BORCS5: variants seen among roughly 807,000 people sequenced by gnomAD.
BORCS5 encodes the protein BLOC-1 related complex subunit 5, also known as BLOC-1-related complex subunit 5.
BORCS5 carries 17 observed loss-of-function variants against 22.1 expected under a neutral mutation model. That is an observed-to-expected ratio of 0.77 (90% confidence interval 0.53 to 1.15). The LOEUF (loss-of-function observed/expected upper bound fraction) is 1.15. Ranked by LOEUF, BORCS5 falls within the 50% of genes most tolerant of loss-of-function variation. The probability of loss-of-function intolerance (pLI) is 0.00; values close to 1 mark genes in which losing one functional copy is unlikely to be tolerated. For synonymous variants in BORCS5, 117 were observed against 99.8 expected (o/e 1.17, Z -1.03); for missense variants, 247 against 253.2 (o/e 0.98, Z 0.17).
chr12:12,424,454 G>A (rs1942227364), intron 2 of BORCS5, among the ~76,000 whole-genome samples: 1 of 151,984 alleles, frequency 6.6e-6, no homozygotes, highest in South Asian at 2.1e-4. Flanking sequence ...CTTTCTCCAT[G>A]TCTCCTTTAG....
intron 2 of BORCS5, among the ~76,000 whole-genome samples, chr12:12,371,872 C>CT (rs1178384884): frequency 6.6e-6 from 1 of 151,990 alleles, no homozygotes; most frequent in African/African-American, 2.4e-5. Flanking sequence ...GTTCAGTGGT[C>CT]TTTTTTTCTG....
At chr12:12,411,431 T>G (rs1941729136) in intron 2 of BORCS5, among the ~76,000 whole-genome samples, 1 of 152,170 alleles carries the variant, frequency 6.6e-6, no homozygotes, top group African/African-American at 2.4e-5. Flanking sequence ...ATTTATGAAT[T>G]GGGTTGTTTG....
chr12:12,404,378 T>C (rs985387804), intron 2 of BORCS5, among the ~76,000 whole-genome samples: 2 of 152,206 alleles, frequency 1.3e-5, no homozygotes, highest in Admixed American at 1.3e-4. Context: ...TTAAGGTTTG[T>C]TGAGTGCTGC....
intron 2 of BORCS5, among the ~76,000 whole-genome samples, chr12:12,407,537 T>TC (rs973276342): frequency 6.6e-6 from 1 of 152,138 alleles, no homozygotes; most frequent in African/African-American, 2.4e-5. Context: ...TACAATTCAG[T>TC]GGCATTAAGT....
intron 3 of BORCS5, among the ~76,000 whole-genome samples, chr12:12,463,846 G>C (rs374893212): frequency 6.6e-6 from 1 of 152,166 alleles, no homozygotes; most frequent in East Asian, 1.9e-4. Flanking sequence ...CTTTAGACTT[G>C]ATAAGTTAGA....
intron 1 of BORCS5, among the ~76,000 whole-genome samples, chr12:12,357,781 A>G (rs954155436): frequency 5.3e-5 from 8 of 152,226 alleles, no homozygotes; most frequent in African/African-American, 1.9e-4. Context: ...TGTTTAAAAG[A>G]CGAGCTAATT....
At position 12,357,447 on chromosome 12, in the gene BORCS5, G is replaced by A. The variant is rs1277330100; in HGVS notation, c.-5G>A. 1 of 1,607,082 alleles carries A rather than the reference G, an allele frequency of 6.2e-7. No homozygotes were observed. Among genetic ancestry groups the A allele is most frequent in the Non-Finnish European group, 8.5e-7 (1 of 1,174,590 alleles). ...CGTTCTTCTGCTGCCACCGCTGTCG[G>A]CACCATGGGCAGTGAGCAGAGCTCC... is the stretch of plus-strand genomic sequence containing the variant. On this transcript the variant is annotated 5_prime_UTR_variant, in exon 1 of 4. Transcript: ENST00000314565.
Position 12,403,472 on chromosome 12 carries a change from C to T in BORCS5, c.203-32156C>T, listed in dbSNP as rs73283460. On this transcript the variant is annotated intron_variant, in intron 2 of 3. Transcript: ENST00000314565. Reference sequence around the variant, plus strand: ...GTGATTGCCCCATATCTCCCTAGTCCGCTGTGGGGGGCACCTTCCTGCTTC... The same window carrying T: ...GTGATTGCCCCATATCTCCCTAGTCTGCTGTGGGGGGCACCTTCCTGCTTC... Among the ~76,000 whole-genome samples, 484 of 152,266 alleles carry T rather than the reference C, an allele frequency of 3.2e-3. 1 individual carries two copies. Among genetic ancestry groups the T allele is most frequent in the African/African-American group, 0.011 (450 of 41,538 alleles).
chr12:12,429,705 C>A (rs1181570155), intron 2 of BORCS5, among the ~76,000 whole-genome samples: 1 of 152,180 alleles, frequency 6.6e-6, no homozygotes, highest in Non-Finnish European at 1.5e-5. Context: ...CACCCTCCAC[C>A]TTTTTCTCAA....
At chr12:12,379,184 G>A (rs536755182) in intron 2 of BORCS5, among the ~76,000 whole-genome samples, 4 of 149,196 alleles carry the variant, frequency 2.7e-5, no homozygotes, top group East Asian at 1.9e-4. Context: ...GCAATGGAGC[G>A]ATCTTGACTC....
intron 3 of BORCS5, among the ~76,000 whole-genome samples, chr12:12,457,003 C>G (rs1461349114): frequency 1.3e-5 from 2 of 152,096 alleles, no homozygotes; most frequent in Admixed American, 6.5e-5. Flanking sequence ...AAATGTCATT[C>G]GGTTTTTTAT....
chr12:12,422,320 G>C (rs1391156209), intron 2 of BORCS5, among the ~76,000 whole-genome samples: 7 of 151,682 alleles, frequency 4.6e-5, no homozygotes, highest in Non-Finnish European at 7.4e-5. Context: ...AGTTTATTAA[G>C]AAAGTGAAGG....
Position 12,374,323 on chromosome 12 carries a change from A to G in BORCS5, c.202+12974A>G, listed in dbSNP as rs980112981. Among the ~76,000 whole-genome samples the G allele has an allele frequency of 8.6e-5, 13 of 151,568 alleles. 1 individual carries two copies. Among genetic ancestry groups the G allele is most frequent in the African/African-American group, 2.7e-4 (11 of 41,112 alleles). ...TTCTTAGTTTAAAAGTCTTCTATAT[A>G]TATTTTAAAACATATTTAAAAGATG... is the stretch of plus-strand genomic sequence containing the variant. On this transcript the variant is annotated intron_variant, in intron 2 of 3. Transcript: ENST00000314565.
Position 12,466,154 on chromosome 12 carries a change from GCT to G in BORCS5, c.*381_*382del, listed in dbSNP as rs1225800480. 5.6e-6 allele frequency: 1 copy of G among 179,402 alleles called. No homozygotes were observed. Among genetic ancestry groups the G allele is most frequent in the Non-Finnish European group, 1.2e-5 (1 of 85,994 alleles). 11.1% of individuals were successfully genotyped at this position (179,402 alleles called of 1,614,324 possible). On this transcript the variant is annotated 3_prime_UTR_variant, in exon 4 of 4. Transcript: ENST00000314565. ...AGACAAGGGGAAAATATTTTACGAAGCTCTGTGTTCTCAACGCCCTCATGAAC... is the reference window on the plus strand; with the variant it reads ...AGACAAGGGGAAAATATTTTACGAAGCTGTGTTCTCAACGCCCTCATGAAC...
At chr12:12,423,846 G>A (rs1040844928) in intron 2 of BORCS5, among the ~76,000 whole-genome samples, 1 of 151,974 alleles carries the variant, frequency 6.6e-6, no homozygotes, top group Non-Finnish European at 1.5e-5. Flanking sequence ...CTGCCACCAC[G>A]CCTGGCTAAT....
rs536776902 is a variant in BORCS5, at chr12:12,418,460, A to C, written c.203-17168A>C. Among the ~76,000 whole-genome samples the C allele has an allele frequency of 1.1e-3, 167 of 152,266 alleles. 1 individual carries two copies. The highest frequency in any genetic ancestry group is 3.5e-3 in the African/African-American group (144 of 41,548). On this transcript the variant is annotated intron_variant, in intron 2 of 3. Coordinates refer to ENST00000314565, the MANE Select transcript of BORCS5 (RefSeq NM_058169.6). ...CAGCACTTTGAGAGGCTGAGACAGG[A>C]GGATCACTTGAGGCAGAAGTTTGAG...
chr12:12,425,098 C>G (rs1259359628), intron 2 of BORCS5, among the ~76,000 whole-genome samples: 1 of 152,160 alleles, frequency 6.6e-6, no homozygotes, highest in Non-Finnish European at 1.5e-5. Flanking sequence ...AGGACAGGGT[C>G]CTTTTCTCCC....
chr12:12,396,242 C>T (rs1195432413), intron 2 of BORCS5, among the ~76,000 whole-genome samples: 2 of 152,252 alleles, frequency 1.3e-5, no homozygotes, highest in African/African-American at 4.8e-5. Flanking sequence ...CCGCCTCGGC[C>T]TCCCGAAGTG....
chr12:12,359,951 A>G lies in BORCS5; in HGVS notation c.59-1255A>G, dbSNP rs572662589. Reference sequence around the variant, plus strand: ...TTTCTCATTTTAGAAATAGGGAGATATATATATATATCTCAAGATAGCAGG... The same window carrying G: ...TTTCTCATTTTAGAAATAGGGAGATGTATATATATATCTCAAGATAGCAGG... On this transcript the variant is annotated intron_variant, in intron 1 of 3. Coordinates refer to ENST00000314565, the MANE Select transcript of BORCS5 (RefSeq NM_058169.6). 3.3e-5 allele frequency among the ~76,000 whole-genome samples: 5 copies of G among 152,104 alleles called. No homozygotes were observed. In the South Asian group the frequency reaches 6.2e-4, roughly 19 times the overall value.
Sources: gnomAD v4.1 joint callset for allele counts (sites outside exome capture counted in the v4.1 genomes callset) on GRCh38, gnomAD v4.1.1 for gene constraint, MANE v1.5 for transcripts, NCBI Gene and HGNC (gene_info 2026-07-23, HGNC 2026-07-21) for gene names.